NSUN5: variants seen among roughly 807,000 people sequenced by gnomAD.
NSUN5 encodes the protein 28S rRNA (cytosine-C(5))-methyltransferase.
In NSUN5, 39 loss-of-function variants were observed where a neutral mutation model predicts 51.1. The observed-to-expected ratio is 0.76, with a 90% confidence interval of 0.59 to 1.00. NSUN5 has a LOEUF of 1.00. NSUN5 is among the 50% of genes least tolerant of loss of function. The probability of loss-of-function intolerance (pLI) is 0.00; values close to 1 mark genes in which losing one functional copy is unlikely to be tolerated. For synonymous variants in NSUN5, 266 were observed against 271.5 expected (o/e 0.98, Z 0.20); for missense variants, 526 against 614.0 (o/e 0.86, Z 1.51).
rs1803874185 is a variant in NSUN5, at chr7:73,303,284, C to T, written c.*131G>A. On this transcript the variant is annotated 3_prime_UTR_variant, in exon 10 of 10. Transcript: ENST00000438747. ...GCAACACTTTGCTCACCAGCAAGAA[C>T]ACAGCCCAAGGAAGGGACCCAATAA... 2.5e-6 allele frequency: 4 copies of T among 1,611,780 alleles called. No individual in the cohort carries two copies. The East Asian group carries it at 6.7e-5, about 27-fold the overall frequency.
rs781968174 is a variant in NSUN5, at chr7:73,303,385, C to T, written c.*30G>A. 2 of 1,614,054 alleles carry T rather than the reference C, an allele frequency of 1.2e-6. No homozygotes were observed. Among genetic ancestry groups the T allele is most frequent in the African/African-American group, 2.7e-5 (2 of 75,052 alleles). On this transcript the variant is annotated 3_prime_UTR_variant, in exon 10 of 10. Transcript: ENST00000438747. ...GGAGAGGACAGGCATCTTCCTTTCC[C>T]ACCAGGAAGGAGTCAGCCCGGAGCC...
Position 73,308,707 on chromosome 7 carries a change from G to C in NSUN5, c.84C>G (p.Ser28Arg). Residue 28 changes from serine to arginine, a missense_variant, in exon 1 of 10, where the codon AGC (serine) becomes AGG (arginine). Transcript: ENST00000438747. ...QGSIKGLVYS[S>R]NFQNVKQLYA... is the part of the protein sequence containing the mutation. ...CGCCCAGGTCCGCTACCTGGAAGTTGCTGGAGTACACCAACCCCTTGATAG... is the reference window on the plus strand; with the variant it reads ...CGCCCAGGTCCGCTACCTGGAAGTTCCTGGAGTACACCAACCCCTTGATAG... 6.3e-7 allele frequency: 1 copy of C among 1,599,436 alleles called. No individual in the cohort carries two copies. Among genetic ancestry groups the C allele is most frequent in the Non-Finnish European group, 8.5e-7 (1 of 1,172,330 alleles).
intron 6 of NSUN5, 141 bp from the exon 7 acceptor site, chr7:73,304,549 C>A (rs1410051536): frequency 1.2e-5 from 11 of 926,826 alleles, no homozygotes; most frequent in South Asian, 1.6e-5. Context: ...AGGTAACTGG[C>A]CTGGGGTCTC....
Position 73,303,244 on chromosome 7 carries a change from A to G in NSUN5, c.*171T>C. On this transcript the variant is annotated 3_prime_UTR_variant, in exon 10 of 10. Transcript: ENST00000438747. ...TGATCTATCGTAGAGTACGTTCTGC[A>G]TTTTATTTTTGCAGGCAACACTTTG... 9 of 1,594,494 alleles carry G rather than the reference A, an allele frequency of 5.6e-6. No individual in the cohort carries two copies. The highest frequency in any genetic ancestry group is 1.8e-5 in the Admixed American group (1 of 57,070).
Position 73,308,749 on chromosome 7 carries a change from C to G in NSUN5, c.42G>C (p.Val14=). ...YAAAAGVLAG[V]ESRQGSIKGL... ...CCTTGATAGAGCCCTGGCGGCTCTC[C>G]ACGCCGGCCAACACGCCTGCAGCTG... is the stretch of plus-strand genomic sequence containing the variant. Residue 14 remains valine (V), a synonymous_variant, in exon 1 of 10, where the codon GTG becomes GTC. Coordinates refer to ENST00000438747, the MANE Select transcript of NSUN5 (RefSeq NM_148956.4). 6.2e-7 allele frequency: 1 copy of G among 1,612,892 alleles called. No homozygotes were observed. The highest frequency in any genetic ancestry group is 1.1e-5 in the South Asian group (1 of 91,034).
In NSUN5 at chr7:73,303,638, G is replaced by A; in HGVS notation, c.1248C>T (p.Gly416=). The change falls in exon 9 of 10, where the codon GGC becomes GGT. Residue 416 remains glycine, a synonymous_variant. Transcript: ENST00000438747. ...CCCGTTCAATTACAGCAACGAAGAA[G>A]CCACTGCTGAGTGTGGTCTCAGGGG... ...RASPETTLSS[G]FFVAVIERVE... is the part of the protein sequence containing the mutation. The A allele has an allele frequency of 6.2e-7, 1 of 1,614,192 alleles. No individual in the cohort carries two copies. Among genetic ancestry groups the A allele is most frequent in the Non-Finnish European group, 8.5e-7 (1 of 1,180,036 alleles).
chr7:73,304,786 T>C lies in NSUN5; in HGVS notation c.716A>G (p.Asn239Ser), dbSNP rs782455138. Residue 239 changes from asparagine (N) to serine (S), a missense_variant, in exon 6 of 10, where the codon AAT (asparagine) becomes AGT (serine). Physicochemically the swap from Asn to Ser is conservative, Grantham distance 46. Coordinates refer to ENST00000438747, the MANE Select transcript of NSUN5 (RefSeq NM_148956.4). Reference protein sequence around the residue: ...HVIDACAAPGNKTSHLAALLK... With the variant: ...HVIDACAAPGSKTSHLAALLK... The stretch of plus-strand genomic sequence containing the variant: ...AAGAGCAGCCAAGTGACTGGTCTTA[T>C]TGCCTGGGGCGGCACAGGCATCGAT... 3.8e-5 allele frequency: 62 copies of C among 1,613,676 alleles called. No individual in the cohort carries two copies. In the South Asian group the frequency reaches 5.1e-4, roughly 13 times the overall value.
chr7:73,303,709 G>C lies in NSUN5; in HGVS notation c.1177C>G (p.Arg393Gly), dbSNP rs1330250858. The C allele has an allele frequency of 4.3e-6, 7 of 1,614,030 alleles. No homozygotes were observed. The highest frequency in any genetic ancestry group is 2.5e-6 in the Non-Finnish European group (3 of 1,180,020). The change falls in exon 9 of 10, where the codon CGA (arginine) becomes GGA (glycine). Residue 393 changes from arginine (R) to glycine (G), a missense_variant. Transcript: ENST00000438747. ...LAPALPAWPH[R>G]GLSTFPGAEH... ...GCACCCGGGAACGTGCTCAGGCCTC[G>C]GTGGGGCCAGGCAGGCAGGGCGGGA...
At position 73,303,829 on chromosome 7, in the gene NSUN5, A is replaced by C; in HGVS notation, c.1142T>G (p.Phe381Cys). The stretch of plus-strand genomic sequence containing the variant: ...GACCCTGGCGCCCGCCCTGTACCTG[A>C]AGGCGCCCGGGTTCTGCTGCAGCGC... ...RDALQQNPGA[F>C]RLAPALPAWP... Residue 381 changes from phenylalanine (F) to cysteine (C), a missense_variant, in exon 8 of 10, where the codon TTC (phenylalanine) becomes TGC (cysteine). Transcript: ENST00000438747. The C allele has an allele frequency of 6.2e-7, 1 of 1,613,786 alleles. No homozygotes were observed. The highest frequency in any genetic ancestry group is 8.5e-7 in the Non-Finnish European group (1 of 1,179,862).
At position 73,308,825 on chromosome 7, in the gene NSUN5, G is replaced by A. The variant is rs376918942; in HGVS notation, c.-35C>T. 131 of 1,599,560 alleles carry A rather than the reference G, an allele frequency of 8.2e-5. 1 individual carries two copies. The African/African-American group carries it at 1.3e-3, about 15-fold the overall frequency. ...CGCCTTTACGGCTCTGTGGCAAAAC[G>A]CACCCGGCTCGGCGCCCGCCCGGAC... On this transcript the variant is annotated 5_prime_UTR_variant, in exon 1 of 10. Transcript: ENST00000438747.
Position 73,308,514 on chromosome 7 carries a change from G to A in NSUN5, c.133C>T (p.Arg45Cys). ...QLYALVCETQ[R>C]YSAVLDAVIA... ...ACAGCATCCAGCACGGCGGAGTAGC[G>A]CTGCGTTTCGCACACCAGCGCGTAC... The change falls in exon 2 of 10, where the codon CGC (arginine) becomes TGC (cysteine). Residue 45 changes from arginine to cysteine, a missense_variant. Coordinates refer to ENST00000438747, the MANE Select transcript of NSUN5 (RefSeq NM_148956.4). The A allele has an allele frequency of 6.2e-7, 1 of 1,604,196 alleles. No homozygotes were observed. Among genetic ancestry groups the A allele is most frequent in the Non-Finnish European group, 8.5e-7 (1 of 1,173,414 alleles).
intron 2 of NSUN5, 168 bp from the exon 3 acceptor site, chr7:73,307,925 A>C: frequency 1.5e-6 from 1 of 657,520 alleles, no homozygotes; most frequent in Non-Finnish European, 2.5e-6. Flanking sequence ...TAACTACAGA[A>C]CAGGATCGGA....
chr7:73,308,564 G>C lies in NSUN5; in HGVS notation c.94-11C>G, dbSNP rs782342184. On this transcript the variant is annotated splice_polypyrimidine_tract_variant and intron_variant, in intron 1 of 9. Transcript: ENST00000438747. Reference sequence around the variant, plus strand: ...CAGCTGCTTCACGTTCTGTGTGGCCGAGGAAGACAAGCTGGGTGGGGGCTC... The same window carrying C: ...CAGCTGCTTCACGTTCTGTGTGGCCCAGGAAGACAAGCTGGGTGGGGGCTC... 1.9e-6 allele frequency: 3 copies of C among 1,594,534 alleles called. No individual in the cohort carries two copies. Among genetic ancestry groups the C allele is most frequent in the South Asian group, 2.2e-5 (2 of 90,480 alleles).
intron 2 of NSUN5, 103 bp from the exon 3 acceptor site, chr7:73,307,860 C>G (rs1389997840): frequency 2.2e-5 from 23 of 1,027,722 alleles, no homozygotes; most frequent in African/African-American, 3.2e-5. Flanking sequence ...AATGGCTAAA[C>G]AGATCACCTG....
At chr7:73,304,574 A>C (rs1803956231) in intron 6 of NSUN5, 166 bp from the exon 7 acceptor site, 1 of 836,542 alleles carries the variant, frequency 1.2e-6, no homozygotes, top group African/African-American at 1.7e-5. Flanking sequence ...CCAAGGGCTA[A>C]GGGATCCACA....
At position 73,308,460 on chromosome 7, in the gene NSUN5, C is replaced by A. The variant is rs1554542279; in HGVS notation, c.187G>T (p.Glu63Ter). 1 of 1,606,828 alleles carries A rather than the reference C, an allele frequency of 6.2e-7. No homozygotes were observed. The highest frequency in any genetic ancestry group is 1.1e-5 in the South Asian group (1 of 90,842). The change falls in exon 2 of 10, where the codon GAG (glutamate) becomes TAG (stop). Residue 63 changes from glutamate to a stop codon, truncating the protein, a stop_gained. Coordinates refer to ENST00000438747, the MANE Select transcript of NSUN5 (RefSeq NM_148956.4). LOFTEE classifies it high-confidence loss of function. ...VIASAGLLRAEKKLRPHLAKV... is the reference protein window; with the variant it reads ...VIASAGLLRA ...GCCAGGTGCGGCCGCAGCTTCTTCT[C>A]CGCACGGAGGAGGCCGGCGCTGGCG... is the stretch of plus-strand genomic sequence containing the variant.
rs1318292575 is a variant in NSUN5 at position 73,308,510 on chromosome 7, T to C, written c.137A>G (p.Tyr46Cys). ...GATCACAGCATCCAGCACGGCGGAG[T>C]AGCGCTGCGTTTCGCACACCAGCGC... ...LYALVCETQR[Y>C]SAVLDAVIAS... is the part of the protein sequence containing the mutation. The change falls in exon 2 of 10, where the codon TAC becomes TGC. Residue 46 changes from tyrosine (Y) to cysteine (C), a missense_variant. Coordinates refer to ENST00000438747, the MANE Select transcript of NSUN5 (RefSeq NM_148956.4). The C allele has an allele frequency of 1.0e-5, 16 of 1,603,738 alleles. No individual in the cohort carries two copies. The highest frequency in any genetic ancestry group is 1.3e-5 in the African/African-American group (1 of 74,646).
At chr7:73,307,549 C>A in intron 3 of NSUN5, 34 bp downstream of exon 3, 1 of 1,584,610 alleles carries the variant, frequency 6.3e-7, no homozygotes, top group East Asian at 2.2e-5. Flanking sequence ...CAAAGTTCCC[C>A]GCCTCCCCCA....
Position 73,308,413 on chromosome 7 carries a change from TCCCTC to T in NSUN5, c.216+13_216+17del, listed in dbSNP as rs782335509. ...CTGACCGTCGGGGTTCACTTCCCCG[TCCCTC>T]CCCTCCCCTCACCTTGGCCAGGTGC... On this transcript the variant is annotated intron_variant, in intron 2 of 9. Transcript: ENST00000438747. 3.2e-6 allele frequency: 5 copies of T among 1,581,320 alleles called. No individual in the cohort carries two copies. The highest frequency in any genetic ancestry group is 1.7e-5 in the Admixed American group (1 of 57,468).
Sources: gnomAD v4.1 joint callset for allele counts on GRCh38, gnomAD v4.1.1 for gene constraint, MANE v1.5 for transcripts, NCBI Gene and HGNC (gene_info 2026-07-23, HGNC 2026-07-21) for gene names.